Variants in IKZF1 observed in about 807,000 individuals in gnomAD.
IKZF1 encodes DNA-binding protein Ikaros.
IKZF1 carries 10 observed loss-of-function variants against 51.7 expected under a neutral mutation model. The observed-to-expected ratio is 0.19, with a 90% CI of 0.12 to 0.33. The LOEUF is 0.33. IKZF1 is among the 10% of genes least tolerant of loss of function. IKZF1 has a pLI of 1.00. For synonymous variants in IKZF1, 280 were observed against 282.3 expected, an observed-to-expected ratio of 0.99 and a Z score of 0.08; for missense variants, 484 against 707.5, an observed-to-expected ratio of 0.68 and a Z score of 3.58.
At chr7:50,367,845 G>A (rs1223182982) in intron 3 of IKZF1, 2 of 593,770 alleles carry the variant, frequency 3.4e-6, no homozygotes, top group Non-Finnish European at 6.0e-6. Context: ...TTACTTTTCT[G>A]TTGCCTATAG....
intron 3 of IKZF1, chr7:50,369,524 T>C (rs1808021872): frequency 2.5e-6 from 1 of 398,504 alleles, no homozygotes; most frequent in South Asian, 1.3e-4. Context: ...CTCCCCAGTG[T>C]TGGAATTGTG....
Position 50,314,402 on chromosome 7 carries a change from G to A in IKZF1, c.-14-4646G>A, listed in dbSNP as rs915219083. 2.0e-5 allele frequency among the ~76,000 whole-genome samples: 3 copies of A among 152,192 alleles called. No individual in the cohort carries two copies. In the East Asian group the frequency reaches 5.8e-4, roughly 29 times the overall value. ...TGGGATTACTGGCATGAGCCACCAC[G>A]CCCGGCAACTACAATTGTTCTTAAA... On this transcript the variant is annotated intron_variant, in intron 1 of 7. Transcript: ENST00000331340.
chr7:50,355,008 G>A (rs1161603541), intron 3 of IKZF1, among the ~76,000 whole-genome samples: 1 of 152,122 alleles, frequency 6.6e-6, no homozygotes, highest in African/African-American at 2.4e-5. Flanking sequence ...GATTCCCATA[G>A]GAAGCTTCTG....
intron 7 of IKZF1, among the ~76,000 whole-genome samples, chr7:50,397,368 T>C (rs1442196752): frequency 6.6e-6 from 1 of 152,242 alleles, no homozygotes; most frequent in Non-Finnish European, 1.5e-5. Flanking sequence ...GAAGAGAAAT[T>C]CTATGGTAAT....
intron 6 of IKZF1, chr7:50,388,636 T>A (rs935817050): frequency 2.0e-5 from 3 of 152,136 alleles, no homozygotes; most frequent in African/African-American, 7.2e-5. Flanking sequence ...AAATCTCAGG[T>A]CTAGAATGGA....
chr7:50,305,043 CCT>C (rs1215676872), intron 1 of IKZF1, 121 bp downstream of exon 1: 1 of 152,436 alleles, frequency 6.6e-6, no homozygotes, highest in Non-Finnish European at 1.5e-5. Flanking sequence ...CTCAGGTCCG[CCT>C]CTCTTTTCTG....
At chr7:50,377,921 A>C (rs1410372228) in intron 4 of IKZF1, among the ~76,000 whole-genome samples, 1 of 152,244 alleles carries the variant, frequency 6.6e-6, no homozygotes, top group Admixed American at 6.5e-5. Context: ...AAAACCCAAG[A>C]GGAAAAAAAT....
chr7:50,337,046 T>TG (rs1313064536), intron 3 of IKZF1, among the ~76,000 whole-genome samples: 5 of 151,992 alleles, frequency 3.3e-5, no homozygotes, highest in Admixed American at 6.6e-5. Context: ...AAGAGGTGTC[T>TG]GGGGGTTGGC....
At chr7:50,362,493 G>T (rs968175374) in intron 3 of IKZF1, among the ~76,000 whole-genome samples, 1 of 152,186 alleles carries the variant, frequency 6.6e-6, no homozygotes, top group African/African-American at 2.4e-5. Flanking sequence ...AATGTTGGTT[G>T]GTTGTAGCTA....
At chr7:50,312,852 G>A (rs951202336) in intron 1 of IKZF1, among the ~76,000 whole-genome samples, 2 of 152,208 alleles carry the variant, frequency 1.3e-5, no homozygotes, top group African/African-American at 4.8e-5. Flanking sequence ...TGTCGGGGGA[G>A]GGTGGTGTGA....
chr7:50,401,303 G>A lies in IKZF1; in HGVS notation c.*676G>A, dbSNP rs550399296. ...ACTGCCCTGGGTGGAGGGAGACGCC[G>A]GGCTAGAGCCTTTGGGATCGTCCTG... On this transcript the variant is annotated 3_prime_UTR_variant, in exon 8 of 8. Transcript: ENST00000331340. 7.4e-5 allele frequency: 17 copies of A among 230,632 alleles called. No individual in the cohort carries two copies. The highest frequency in any genetic ancestry group is 1.4e-4 in the Non-Finnish European group (16 of 116,412). 14.3% of individuals were successfully genotyped at this position (230,632 alleles called of 1,614,324 possible).
intron 4 of IKZF1, among the ~76,000 whole-genome samples, chr7:50,381,942 C>T (rs1811960573): frequency 1.3e-5 from 2 of 152,142 alleles, no homozygotes; most frequent in African/African-American, 4.8e-5. Context: ...CTGTCTCTCT[C>T]CTGATTTGTC....
intron 3 of IKZF1, among the ~76,000 whole-genome samples, chr7:50,339,874 G>A (rs1189833212): frequency 1.2e-4 from 19 of 152,210 alleles, no homozygotes; most frequent in Admixed American, 1.2e-3. Context: ...TGTAAAGCAA[G>A]ATGTCTAAAT....
At chr7:50,387,828 A>G (rs1276157256) in intron 6 of IKZF1, among the ~76,000 whole-genome samples, 1 of 152,226 alleles carries the variant, frequency 6.6e-6, no homozygotes, top group Non-Finnish European at 1.5e-5. Flanking sequence ...TTCTTTGTAA[A>G]CAAAATAAAA....
At chr7:50,351,057 A>G (rs1489921933) in intron 3 of IKZF1, among the ~76,000 whole-genome samples, 6 of 152,274 alleles carry the variant, frequency 3.9e-5, no homozygotes, top group African/African-American at 9.6e-5. Context: ...ACCTCTCGGA[A>G]TAAAATAGTG....
At chr7:50,315,948 C>T (rs1326454289) in intron 1 of IKZF1, among the ~76,000 whole-genome samples, 1 of 152,196 alleles carries the variant, frequency 6.6e-6, no homozygotes, top group African/African-American at 2.4e-5. Flanking sequence ...TGTGACAGGA[C>T]TTAAGTGCCC....
intron 3 of IKZF1, among the ~76,000 whole-genome samples, chr7:50,339,564 T>G: frequency 6.6e-6 from 1 of 151,750 alleles, no homozygotes; most frequent in South Asian, 2.1e-4. Context: ...GCCTGGCCAA[T>G]ATGGTGAAAC....
chr7:50,350,522 A>G (rs921433905), intron 3 of IKZF1, among the ~76,000 whole-genome samples: 3 of 152,230 alleles, frequency 2.0e-5, no homozygotes, highest in African/African-American at 4.8e-5. Flanking sequence ...GCAGCTGGGT[A>G]GAGAATCTTG....
chr7:50,306,262 A>G (rs1788757191), intron 1 of IKZF1, among the ~76,000 whole-genome samples: 1 of 152,186 alleles, frequency 6.6e-6, no homozygotes, highest in Non-Finnish European at 1.5e-5. Context: ...AATGTATCTG[A>G]TTTCCAATTT....
Sources: allele counts gnomAD v4.1 joint callset (sites outside exome capture counted in the v4.1 genomes callset), GRCh38; gene constraint gnomAD v4.1.1; transcripts MANE v1.5; gene names NCBI Gene and HGNC (gene_info 2026-07-23, HGNC 2026-07-21).